Variants in CLIC5 observed in about 807,000 individuals in gnomAD.
CLIC5 encodes the protein chloride intracellular channel protein 5.
Under a neutral mutation model 24.7 loss-of-function variants are expected in CLIC5, and 20 were observed. That is an observed-to-expected ratio of 0.81 (90% CI 0.57 to 1.18). The LOEUF is 1.18. CLIC5 is among the 50% of genes most tolerant of loss of function. CLIC5 has a pLI of 0.00. For missense variants in CLIC5, 341 were observed against 326.1 expected (o/e 1.05, Z -0.35); for synonymous variants, 159 against 135.6 (o/e 1.17, Z -1.20).
the CLIC5 span, among the ~76,000 whole-genome samples, chr6:46,087,422 A>G: frequency 4.6e-5 from 7 of 152,170 alleles, no homozygotes; most frequent in Admixed American, 4.6e-4. Context: ...AGGATGAACT[A>G]AATACCCTCA....
At chr6:45,992,117 C>G (rs559324742) in intron 1 of CLIC5, among the ~76,000 whole-genome samples, 1 of 152,336 alleles carries the variant, frequency 6.6e-6, no homozygotes, top group Non-Finnish European at 1.5e-5. Flanking sequence ...TCCCCACTCT[C>G]AGGCCATTCT....
At chr6:46,043,285 T>A (rs1347598759) in intron 1 of CLIC5, among the ~76,000 whole-genome samples, 2 of 152,222 alleles carry the variant, frequency 1.3e-5, no homozygotes, top group African/African-American at 4.8e-5. Flanking sequence ...TTATAAAGCA[T>A]GTATTGTATT....
chr6:46,006,481 T>TCACA (rs1309477421), intron 1 of CLIC5, among the ~76,000 whole-genome samples: 1 of 151,766 alleles, frequency 6.6e-6, no homozygotes, highest in Non-Finnish European at 1.5e-5. Flanking sequence ...CAATATCCAT[T>TCACA]CACACCCTCT....
At chr6:45,895,756 C>T (rs1255651289), downstream of CLIC5, among the ~76,000 whole-genome samples, 2 of 152,194 alleles carry the variant, frequency 1.3e-5, no homozygotes, top group African/African-American at 4.8e-5. Flanking sequence ...AGGGTGGTAA[C>T]AGTGACTAAC....
At chr6:45,959,229 A>G (rs1204334) in intron 1 of CLIC5, among the ~76,000 whole-genome samples, 128,017 of 152,198 alleles carry the variant, frequency 0.84, 54,460 homozygotes, top group Non-Finnish European at 0.9. Flanking sequence ...ATGCTTTTAA[A>G]GATTGTTGAG....
At chr6:46,064,958 CT>C (rs1762401089) in intron 1 of CLIC5, among the ~76,000 whole-genome samples, 1 of 57,340 alleles carries the variant, frequency 1.7e-5, no homozygotes, top group Non-Finnish European at 3.8e-5. Flanking sequence ...CAAAAAAGAT[CT>C]GCTCTTCAAA....
At chr6:45,994,569 G>A (rs192543124) in intron 1 of CLIC5, among the ~76,000 whole-genome samples, 1 of 152,032 alleles carries the variant, frequency 6.6e-6, no homozygotes, top group Admixed American at 6.5e-5. Flanking sequence ...GTATACCTAT[G>A]GAACAAACCT....
At chr6:46,124,550 G>A in the CLIC5 span, among the ~76,000 whole-genome samples, 1 of 152,090 alleles carries the variant, frequency 6.6e-6, no homozygotes, top group African/African-American at 2.4e-5. Context: ...CAAAAGCAAC[G>A]GCAACAAAAG....
intron 1 of CLIC5, among the ~76,000 whole-genome samples, chr6:46,052,863 C>T (rs1418495413): frequency 6.6e-6 from 1 of 151,978 alleles, no homozygotes; most frequent in Non-Finnish European, 1.5e-5. Flanking sequence ...TTTCTGGCAT[C>T]TGGAGATCCA....
chr6:46,103,679 T>G, the CLIC5 span, among the ~76,000 whole-genome samples: 1,134 of 152,330 alleles, frequency 7.4e-3, 13 homozygotes, highest in African/African-American at 0.025. Flanking sequence ...GTAGTCACTC[T>G]GTGGTTTTCC....
chr6:46,108,225 A>G, the CLIC5 span, among the ~76,000 whole-genome samples: 1 of 152,128 alleles, frequency 6.6e-6, no homozygotes, highest in African/African-American at 2.4e-5. Flanking sequence ...ACACTGATGC[A>G]AAAGTGAAAT....
At chr6:45,962,068 A>G (rs1450866898) in intron 1 of CLIC5, among the ~76,000 whole-genome samples, 2 of 135,396 alleles carry the variant, frequency 1.5e-5, no homozygotes, top group Non-Finnish European at 3.1e-5. Flanking sequence ...GTACATACAC[A>G]CACACACACA....
In CLIC5 at chr6:45,922,459, C is replaced by T. The variant is rs62400476; in HGVS notation, c.407-8050G>A. Among the ~76,000 whole-genome samples the T allele has an allele frequency of 3.5e-3, 527 of 152,288 alleles. 4 individuals carry two copies. Among genetic ancestry groups the T allele is most frequent in the Non-Finnish European group, 5.4e-3 (368 of 68,028 alleles). On this transcript the variant is annotated intron_variant, in intron 4 of 5. Coordinates refer to ENST00000339561, the MANE Select transcript of CLIC5 (RefSeq NM_016929.5). ...AGAAGCATCTTTTTATTTAATACAG[C>T]TCCACAAATCACCCTTATATTTGGC...
At chr6:46,092,364 A>G in the CLIC5 span, among the ~76,000 whole-genome samples, 4 of 152,248 alleles carry the variant, frequency 2.6e-5, no homozygotes, top group Non-Finnish European at 5.9e-5. Context: ...AACAATGCCA[A>G]TTACAAAAGT....
chr6:46,048,223 G>C (rs1163681051), intron 1 of CLIC5, among the ~76,000 whole-genome samples: 1 of 152,078 alleles, frequency 6.6e-6, no homozygotes, highest in African/African-American at 2.4e-5. Context: ...AGTTGGTCTC[G>C]AATTCCTGAC....
chr6:45,884,884 C>T (rs9463143), intron 6 of CLIC5, among the ~76,000 whole-genome samples: 60,904 of 150,212 alleles, frequency 0.41, 12,745 homozygotes, highest in East Asian at 0.68. Context: ...TTCATCTGTC[C>T]GGAGGTTAAT....
At chr6:46,092,482 G>A in the CLIC5 span, among the ~76,000 whole-genome samples, 1 of 151,896 alleles carries the variant, frequency 6.6e-6, no homozygotes, top group African/African-American at 2.4e-5. Context: ...TTTTATTCCT[G>A]CCCTGATTCT....
intron 1 of CLIC5, among the ~76,000 whole-genome samples, chr6:45,990,024 C>T (rs937827659): frequency 6.6e-6 from 1 of 152,270 alleles, no homozygotes; most frequent in East Asian, 1.9e-4. Context: ...CCTGCTTTTC[C>T]TCTGAACCAG....
upstream of CLIC5, among the ~76,000 whole-genome samples, chr6:46,081,395 C>A (rs991697457): frequency 1.3e-5 from 2 of 152,168 alleles, no homozygotes; most frequent in African/African-American, 2.4e-5. Flanking sequence ...CTCCTGTTGA[C>A]AAGCTTCAGA....
Sources: gnomAD v4.1 joint callset for allele counts (sites outside exome capture counted in the v4.1 genomes callset) on GRCh38, gnomAD v4.1.1 for gene constraint, MANE v1.5 for transcripts, NCBI Gene and HGNC (gene_info 2026-07-23, HGNC 2026-07-21) for gene names.